SSBP2: variants seen among roughly 807,000 people sequenced by gnomAD.
SSBP2 encodes single stranded DNA binding protein 2.
In SSBP2, 17 loss-of-function variants were observed where a neutral mutation model predicts 61.8. That is an observed-to-expected ratio of 0.28 (90% CI 0.19 to 0.41). The LOEUF (loss-of-function observed/expected upper bound fraction) is 0.41. Ranked by LOEUF, SSBP2 falls within the 10% of genes least tolerant of loss-of-function variation. The probability of loss-of-function intolerance (pLI) is 1.00; values close to 1 mark genes in which losing one functional copy is unlikely to be tolerated. For missense variants in SSBP2, 310 were observed against 458.7 expected, an observed-to-expected ratio of 0.68 and a Z score of 2.96; for synonymous variants, 139 against 141.3, an observed-to-expected ratio of 0.98 and a Z score of 0.12.
chr5:81,488,230 T>C (rs1561459889), intron 6 of SSBP2, among the ~76,000 whole-genome samples: 1 of 151,414 alleles, frequency 6.6e-6, no homozygotes, highest in South Asian at 2.1e-4. Context: ...CCTTTGAATA[T>C]ATACCTTGAA....
chr5:81,494,936 C>T (rs1347543641), intron 5 of SSBP2, among the ~76,000 whole-genome samples: 3 of 152,150 alleles, frequency 2.0e-5, no homozygotes, highest in East Asian at 1.9e-4. Context: ...AGAATGAATG[C>T]CATTATGTTT....
At chr5:81,535,613 G>A (rs967981085) in intron 4 of SSBP2, among the ~76,000 whole-genome samples, 1 of 152,002 alleles carries the variant, frequency 6.6e-6, no homozygotes, top group Non-Finnish European at 1.5e-5. Context: ...TATAAATATA[G>A]TCAACTGAAT....
intron 4 of SSBP2, among the ~76,000 whole-genome samples, chr5:81,606,362 T>C (rs888594381): frequency 6.6e-6 from 1 of 152,076 alleles, no homozygotes; most frequent in African/African-American, 2.4e-5. Flanking sequence ...CTCCCATTCA[T>C]TGTGACCTCC....
chr5:81,443,403 G>C (rs1580697437), intron 12 of SSBP2: 1 of 152,040 alleles, frequency 6.6e-6, no homozygotes, highest in Non-Finnish European at 1.5e-5. Flanking sequence ...ATGTCTGTTA[G>C]CTAATTCTAA....
intron 1 of SSBP2, among the ~76,000 whole-genome samples, chr5:81,667,059 C>T (rs1004055801): frequency 2.0e-5 from 3 of 151,864 alleles, no homozygotes; most frequent in African/African-American, 7.3e-5. Flanking sequence ...TTTTTAGACA[C>T]GGGACAAAAG....
intron 10 of SSBP2, among the ~76,000 whole-genome samples, chr5:81,460,789 TAA>T (rs1764482679): frequency 6.6e-6 from 1 of 152,180 alleles, no homozygotes; most frequent in South Asian, 2.1e-4. Context: ...AGTATATACT[TAA>T]GTCACACTAT....
chr5:81,566,725 T>C (rs1193493905), intron 4 of SSBP2, among the ~76,000 whole-genome samples: 1 of 152,144 alleles, frequency 6.6e-6, no homozygotes, highest in Non-Finnish European at 1.5e-5. Context: ...ATTTAGAACT[T>C]CATAGAGACT....
In SSBP2 at chr5:81,691,377, A is replaced by G. The variant is rs181996076; in HGVS notation, c.63-41038T>C. On this transcript the variant is annotated intron_variant, in intron 1 of 16. Transcript: ENST00000320672. Reference sequence around the variant, plus strand: ...TGAAATCAGAGATGAAAAACGAGACATTACAATTGTTACCACAGAAATACA... The same window carrying G: ...TGAAATCAGAGATGAAAAACGAGACGTTACAATTGTTACCACAGAAATACA... 9.7e-4 allele frequency among the ~76,000 whole-genome samples: 147 copies of G among 152,232 alleles called. 1 individual carries two copies. Among genetic ancestry groups the G allele is most frequent in the Non-Finnish European group, 1.6e-3 (111 of 67,978 alleles).
chr5:81,542,717 C>G (rs1421585127), intron 4 of SSBP2, among the ~76,000 whole-genome samples: 2 of 151,790 alleles, frequency 1.3e-5, no homozygotes, highest in African/African-American at 4.8e-5. Flanking sequence ...AGGGAAGGAC[C>G]AGGTGGGAGG....
At position 81,635,009 on chromosome 5, in the gene SSBP2, T is replaced by G. The variant is rs1266397115; in HGVS notation, c.197+1548A>C. Among the ~76,000 whole-genome samples the G allele has an allele frequency of 1.7e-4, 26 of 152,222 alleles. 1 individual carries two copies. Among genetic ancestry groups the G allele is most frequent in the Non-Finnish European group, 3.8e-4 (26 of 68,032 alleles). ...AAGAGGGTAGGGATGTGTGTGTGTTTTATTCACTGGTGTGTCCACAGTATC... is the reference window on the plus strand; with the variant it reads ...AAGAGGGTAGGGATGTGTGTGTGTTGTATTCACTGGTGTGTCCACAGTATC... On this transcript the variant is annotated intron_variant, in intron 3 of 16. Transcript: ENST00000320672.
chr5:81,650,061 A>C (rs764520391), intron 2 of SSBP2, among the ~76,000 whole-genome samples: 20 of 152,088 alleles, frequency 1.3e-4, no homozygotes, highest in Non-Finnish European at 1.9e-4. Flanking sequence ...AAATGGCTGG[A>C]AAGGTGACTA....
intron 5 of SSBP2, among the ~76,000 whole-genome samples, chr5:81,491,445 T>C (rs897892548): frequency 1.3e-5 from 2 of 152,208 alleles, no homozygotes; most frequent in East Asian, 3.8e-4. Flanking sequence ...ACAGTGTTTA[T>C]TTAGTGGTAT....
At chr5:81,664,063 G>A (rs1004885678) in intron 1 of SSBP2, among the ~76,000 whole-genome samples, 3 of 150,540 alleles carry the variant, frequency 2.0e-5, no homozygotes, top group African/African-American at 4.9e-5. Context: ...CTACTATAAT[G>A]TACATTTTCT....
intron 15 of SSBP2, among the ~76,000 whole-genome samples, chr5:81,429,353 A>C (rs1762148067): frequency 6.6e-6 from 1 of 152,180 alleles, no homozygotes; most frequent in Admixed American, 6.5e-5. Flanking sequence ...TGGAAGATAA[A>C]ATGACTGTTA....
chr5:81,747,463 TA>T (rs1741170871), intron 1 of SSBP2, among the ~76,000 whole-genome samples: 1 of 152,084 alleles, frequency 6.6e-6, no homozygotes, highest in Non-Finnish European at 1.5e-5. Flanking sequence ...AAAATATACA[TA>T]AAACACTGAA....
chr5:81,751,463 C>G (rs888541313), upstream of SSBP2, among the ~76,000 whole-genome samples: 6 of 152,276 alleles, frequency 3.9e-5, no homozygotes, highest in Admixed American at 6.5e-5. Context: ...CCGCGCTCAG[C>G]TCCTCACTGG....
chr5:81,537,814 C>T (rs1018797149), intron 4 of SSBP2, among the ~76,000 whole-genome samples: 7 of 152,142 alleles, frequency 4.6e-5, no homozygotes, highest in Admixed American at 2.6e-4. Context: ...TCCCTCTCCT[C>T]AGGCTTCCCT....
rs528348498 is a variant in SSBP2 at position 81,722,007 on chromosome 5, A to G, written c.62+28974T>C. 2.0e-5 allele frequency among the ~76,000 whole-genome samples: 3 copies of G among 152,034 alleles called. No homozygotes were observed. In the South Asian group the frequency reaches 6.2e-4, roughly 32 times the overall value. Reference sequence around the variant, plus strand: ...CTAAACACAGAAAAAACAAAAAAAAATCTTTCCTTCCCTTAGTTCTTAGCA... The same window carrying G: ...CTAAACACAGAAAAAACAAAAAAAAGTCTTTCCTTCCCTTAGTTCTTAGCA... On this transcript the variant is annotated intron_variant, in intron 1 of 16. Coordinates refer to ENST00000320672, the MANE Select transcript of SSBP2 (RefSeq NM_012446.5).
intron 1 of SSBP2, among the ~76,000 whole-genome samples, chr5:81,662,121 C>G (rs1184677882): frequency 2.0e-5 from 3 of 152,196 alleles, no homozygotes; most frequent in Non-Finnish European, 4.4e-5. Flanking sequence ...TCTGCCTAAT[C>G]TATGAATTTT....
Sources: gnomAD v4.1 joint callset for allele counts (sites outside exome capture counted in the v4.1 genomes callset) on GRCh38, gnomAD v4.1.1 for gene constraint, MANE v1.5 for transcripts, NCBI Gene and HGNC (gene_info 2026-07-23, HGNC 2026-07-21) for gene names.